The following NAALADL2 variants were observed in gnomAD, a reference collection of about 807,000 sequenced individuals.
NAALADL2 encodes the protein N-acetylated alpha-linked acidic dipeptidase like 2.
NAALADL2 carries 76 observed loss-of-function variants against 87.2 expected under a neutral mutation model. That is an observed-to-expected ratio of 0.87 (90% CI 0.72 to 1.05). The LOEUF is 1.05. Among genes scored for constraint, NAALADL2 ranks in the 50% least tolerant of loss-of-function variants. NAALADL2 has a pLI of 0.00. For missense variants in NAALADL2, 1,089 were observed against 945.8 expected (o/e 1.15, Z -1.99); for synonymous variants, 354 against 331.0 (o/e 1.07, Z -0.75).
At chr3:174,772,076 T>C (rs953980202) in intron 3 of NAALADL2, among the ~76,000 whole-genome samples, 15 of 152,166 alleles carry the variant, frequency 9.9e-5, no homozygotes, top group African/African-American at 3.6e-4. Flanking sequence ...TGATCATTGG[T>C]AATTGATGAA....
At chr3:174,863,446 A>G (rs963331259) in intron 1 of NAALADL2, among the ~76,000 whole-genome samples, 1 of 152,052 alleles carries the variant, frequency 6.6e-6, no homozygotes, top group African/African-American at 2.4e-5. Context: ...ATTAGCTTGT[A>G]AGACATTTAG....
intron 1 of NAALADL2, among the ~76,000 whole-genome samples, chr3:175,061,578 A>T (rs1713493355): frequency 6.6e-6 from 1 of 152,082 alleles, no homozygotes; most frequent in African/African-American, 2.4e-5. Context: ...GGAGAAAGTA[A>T]GTGGAAAGAA....
intron 1 of NAALADL2, among the ~76,000 whole-genome samples, chr3:174,947,918 A>C (rs925536942): frequency 6.6e-6 from 1 of 152,216 alleles, no homozygotes; most frequent in South Asian, 2.1e-4. Flanking sequence ...CATTTTAGTA[A>C]CTAATATTTA....
At position 175,706,115 on chromosome 3, in the gene NAALADL2, G is replaced by A. The variant is rs549781851; in HGVS notation, c.1897-31191G>A. On this transcript the variant is annotated intron_variant, in intron 11 of 13. Transcript: ENST00000454872. ...AAGCAGCATGAAGAAGAAACAAGGA[G>A]TGAATGGGAAGAGATACACTACACA... 2.0e-5 allele frequency among the ~76,000 whole-genome samples: 3 copies of A among 152,256 alleles called. No individual in the cohort carries two copies. The South Asian group carries it at 6.2e-4, about 32-fold the overall frequency.
chr3:174,611,359 C>T (rs1254729196), intron 2 of NAALADL2, among the ~76,000 whole-genome samples: 2 of 151,968 alleles, frequency 1.3e-5, no homozygotes, highest in African/African-American at 4.8e-5. Flanking sequence ...AACTAATACA[C>T]ACTCTACAAC....
intron 13 of NAALADL2, among the ~76,000 whole-genome samples, chr3:175,768,372 A>G (rs1250132399): frequency 6.6e-6 from 1 of 151,866 alleles, no homozygotes; most frequent in Non-Finnish European, 1.5e-5. Flanking sequence ...CACTTTTTTG[A>G]TCTATCAGAT....
intron 5 of NAALADL2, among the ~76,000 whole-genome samples, chr3:175,403,887 T>C (rs1029865681): frequency 6.6e-6 from 1 of 152,134 alleles, no homozygotes; most frequent in Admixed American, 6.6e-5. Context: ...ATAAACTTTA[T>C]GTATTTGTTT....
At chr3:175,752,005 G>T (rs942291711) in intron 12 of NAALADL2, among the ~76,000 whole-genome samples, 2 of 151,972 alleles carry the variant, frequency 1.3e-5, no homozygotes, top group African/African-American at 2.4e-5. Context: ...AATAGCATTT[G>T]TTGATGCTCA....
intron 1 of NAALADL2, among the ~76,000 whole-genome samples, chr3:175,035,862 T>A (rs1753344982): frequency 6.6e-6 from 1 of 152,120 alleles, no homozygotes; most frequent in African/African-American, 2.4e-5. Context: ...ACTGACCAAA[T>A]CTGAATATCT....
At chr3:175,224,987 A>G (rs1027257391) in intron 2 of NAALADL2, among the ~76,000 whole-genome samples, 1 of 152,186 alleles carries the variant, frequency 6.6e-6, no homozygotes, top group African/African-American at 2.4e-5. Flanking sequence ...ATGTCAAGAC[A>G]AGTTGATTTA....
intron 10 of NAALADL2, among the ~76,000 whole-genome samples, chr3:175,594,966 G>C (rs1722048273): frequency 6.6e-6 from 1 of 151,998 alleles, no homozygotes; most frequent in Admixed American, 6.6e-5. Flanking sequence ...TTACTCTGTT[G>C]ACAGTTACTT....
chr3:174,925,631 G>A (rs932292891), intron 1 of NAALADL2, among the ~76,000 whole-genome samples: 8 of 152,158 alleles, frequency 5.3e-5, no homozygotes, highest in African/African-American at 1.9e-4. Flanking sequence ...GCTTGATGGG[G>A]ATGGCAGCAT....
intron 2 of NAALADL2, among the ~76,000 whole-genome samples, chr3:174,618,428 C>A (rs1365159417): frequency 6.6e-6 from 1 of 151,570 alleles, no homozygotes; most frequent in East Asian, 1.9e-4. Context: ...TTTTCATTCA[C>A]TCTGCTTAAT....
intron 2 of NAALADL2, among the ~76,000 whole-genome samples, chr3:174,698,379 T>TAG (rs953075962): frequency 6.6e-6 from 1 of 152,158 alleles, no homozygotes; most frequent in African/African-American, 2.4e-5. Context: ...TGATTCTAGG[T>TAG]AGAGAGACAT....
At chr3:174,798,482 G>A (rs1196162808) in intron 3 of NAALADL2, among the ~76,000 whole-genome samples, 1 of 152,108 alleles carries the variant, frequency 6.6e-6, no homozygotes, top group Non-Finnish European at 1.5e-5. Context: ...AGCTTGGATA[G>A]TGATAGGAAT....
chr3:174,696,729 AT>A (rs1381895128), intron 2 of NAALADL2, among the ~76,000 whole-genome samples: 1 of 151,972 alleles, frequency 6.6e-6, no homozygotes, highest in Non-Finnish European at 1.5e-5. Flanking sequence ...CTGAAAAATA[AT>A]TGTGTATTTT....
chr3:174,844,055 C>T (rs1724322156), intron 3 of NAALADL2, among the ~76,000 whole-genome samples: 1 of 152,116 alleles, frequency 6.6e-6, no homozygotes, highest in Non-Finnish European at 1.5e-5. Context: ...GAGTTTGTTG[C>T]AGAGCTTTTG....
At chr3:174,664,571 C>G (rs7651040) in intron 2 of NAALADL2, among the ~76,000 whole-genome samples, 11,225 of 152,136 alleles carry the variant, frequency 0.074, 1,392 homozygotes, top group African/African-American at 0.26. Context: ...TGCTTTCTTG[C>G]TGGCATCAGT....
rs11295292 is a variant in NAALADL2, at chr3:174,759,703, C to CT, written c.-9+21971dup. On this transcript the variant is annotated intron_variant, in intron 3 of 3. Transcript: ENST00000434257. ...ATACTATCAAATACAATACAAATCACTTTTTTTTTTTTTTGAGATGGAGTC... is the reference window on the plus strand; with the variant it reads ...ATACTATCAAATACAATACAAATCACTTTTTTTTTTTTTTTGAGATGGAGTC... 2.6e-3 allele frequency among the ~76,000 whole-genome samples: 371 copies of CT among 145,404 alleles called. 1 individual carries two copies. Among genetic ancestry groups the CT allele is most frequent in the East Asian group, 9.0e-3 (45 of 4,978 alleles).
Sources: allele counts gnomAD v4.1 joint callset (sites outside exome capture counted in the v4.1 genomes callset), GRCh38; gene constraint gnomAD v4.1.1; transcripts MANE v1.5; gene names NCBI Gene and HGNC (gene_info 2026-07-23, HGNC 2026-07-21).